Variants in ZNF66 observed in about 807,000 individuals in gnomAD.
ZNF66 encodes zinc finger protein 66, also known as putative zinc finger protein 66.
A neutral mutation model predicts 35.2 loss-of-function variants in ZNF66; 32 were observed. The observed-to-expected ratio is 0.91, with a 90% CI of 0.69 to 1.22. The LOEUF is 1.22. Ranked by LOEUF, ZNF66 falls within the 50% of genes most tolerant of loss-of-function variation. The probability of loss-of-function intolerance (pLI) is 0.00; values close to 1 mark genes in which losing one functional copy is unlikely to be tolerated. For synonymous variants in ZNF66, 231 were observed against 181.3 expected (o/e 1.27, Z -2.20); for missense variants, 666 against 543.1 (o/e 1.23, Z -2.25).
chr19:20,806,691 C>G lies in ZNF66; in HGVS notation c.1091C>G (p.Thr364Ser), dbSNP rs1468929902. 6.8e-7 allele frequency: 1 copy of G among 1,478,894 alleles called. No individual in the cohort carries two copies. The highest frequency in any genetic ancestry group is 9.4e-7 in the Non-Finnish European group (1 of 1,059,398). The allele number at this position is 1,478,894 out of a possible 1,614,324, so 91.6% of individuals were successfully genotyped here. ...CTTACTAAACATAAAATAATCCATA[C>G]TGGAGAGAAACCCTACAAATGTGAA... The part of the protein sequence containing the change: ...STLTKHKIIH[T>S]GEKPYKCEEC... The change falls in exon 4 of 4, where the codon ACT becomes AGT. Residue 364 changes from threonine (T) to serine (S), a missense_variant. Physicochemically the swap from Thr to Ser is moderately conservative, Grantham distance 58. Coordinates refer to ENST00000344519, the MANE Select transcript of ZNF66 (RefSeq NM_001355197.2).
At chr19:20,785,257 A>G (rs1237913641) in intron 1 of ZNF66, 1 of 152,412 alleles carries the variant, frequency 6.6e-6, no homozygotes, top group East Asian at 1.9e-4. Context: ...AGAGGTCAAG[A>G]GAGGAGACCA....
At chr19:20,801,270 T>C (rs1464667696) in intron 3 of ZNF66, among the ~76,000 whole-genome samples, 1 of 152,158 alleles carries the variant, frequency 6.6e-6, no homozygotes, top group African/African-American at 2.4e-5. Flanking sequence ...GTATGCTTTT[T>C]AAAAAACCAC....
intron 1 of ZNF66, among the ~76,000 whole-genome samples, chr19:20,791,485 CAAAA>C (rs35269524): frequency 7.0e-5 from 4 of 57,338 alleles, no homozygotes; most frequent in Non-Finnish European, 1.6e-4. Flanking sequence ...GACTTAATCT[CAAAA>C]AAAAAAAAAA....
chr19:20,799,745 A>G (rs1453086615), intron 3 of ZNF66, among the ~76,000 whole-genome samples: 2 of 152,202 alleles, frequency 1.3e-5, no homozygotes, highest in African/African-American at 2.4e-5. Context: ...TCATTTGATC[A>G]TATACAGAAC....
intron 1 of ZNF66, among the ~76,000 whole-genome samples, chr19:20,777,534 T>C (rs1202001732): frequency 1.3e-5 from 2 of 151,516 alleles, no homozygotes; most frequent in African/African-American, 4.8e-5. Flanking sequence ...TTAATTATTT[T>C]CACATCCCAC....
chr19:20,783,049 A>G (rs534816115), intron 1 of ZNF66, among the ~76,000 whole-genome samples: 1 of 152,228 alleles, frequency 6.6e-6, no homozygotes, highest in Non-Finnish European at 1.5e-5. Context: ...GAAGGGATCT[A>G]GTTTCAGTCT....
chr19:20,800,928 C>T (rs1971441702), intron 3 of ZNF66, among the ~76,000 whole-genome samples: 1 of 152,052 alleles, frequency 6.6e-6, no homozygotes, highest in Non-Finnish European at 1.5e-5. Flanking sequence ...TTCTTGCTGT[C>T]TACAATTATT....
chr19:20,782,685 CTG>C lies in ZNF66; in HGVS notation c.3+6239_3+6240del, dbSNP rs372251923. Among the ~76,000 whole-genome samples the C allele has an allele frequency of 3.9e-3, 587 of 152,168 alleles. 3 individuals are homozygous for C. The highest frequency in any genetic ancestry group is 0.014 in the African/African-American group (565 of 41,526). On this transcript the variant is annotated intron_variant, in intron 1 of 3. Transcript: ENST00000344519. ...ATGTATATCTTCTTTTGAAAAGAATCTGTGTTTTTGCCTACAATTTAATGAAG... is the reference window on the plus strand; with the variant it reads ...ATGTATATCTTCTTTTGAAAAGAATCTGTTTTTGCCTACAATTTAATGAAG...
chr19:20,806,087 C>A lies in ZNF66; in HGVS notation c.487C>A (p.His163Asn), dbSNP rs1422371941. Residue 163 changes from histidine to asparagine, a missense_variant, in exon 4 of 4, where the codon CAT (histidine) becomes AAT (asparagine). Transcript: ENST00000344519. ...TCATCAATTTTCAAATACAAACAGA[C>A]ATAAGATAAGACATACTGGAAAAAA... ...VFHQFSNTNR[H>N]KIRHTGKNPC... The A allele has an allele frequency of 3.4e-6, 3 of 879,372 alleles. No individual in the cohort carries two copies. The highest frequency in any genetic ancestry group is 5.7e-6 in the Non-Finnish European group (3 of 524,946). 54.5% of individuals were successfully genotyped at this position (879,372 alleles called of 1,614,324 possible).
intron 3 of ZNF66, among the ~76,000 whole-genome samples, chr19:20,802,356 T>C (rs1971455801): frequency 6.6e-6 from 1 of 152,144 alleles, no homozygotes; most frequent in African/African-American, 2.4e-5. Context: ...CAGTTTGTTT[T>C]TGAGGTGGAG....
At position 20,792,547 on chromosome 19, in the gene ZNF66, C is replaced by G. The variant is rs754138108; in HGVS notation, c.39C>G (p.Phe13Leu). The G allele has an allele frequency of 2.6e-6, 4 of 1,530,228 alleles. No individual in the cohort carries two copies. The African/African-American group carries it at 5.5e-5, about 21-fold the overall frequency. 94.8% of individuals were successfully genotyped at this position (1,530,228 alleles called of 1,614,324 possible). A position where few individuals can be genotyped will look rare whatever the true frequency, so the allele number is the denominator to read the frequency against. ...AATTTAGAGATGTGGCCATAGAATT[C>G]TCTCTGGAGGAGTGGCATTGCCTGG... ...PLQFRDVAIE[F>L]SLEEWHCLDM... Residue 13 changes from phenylalanine (F) to leucine (L), a missense_variant, in exon 2 of 4, where the codon TTC becomes TTG. Transcript: ENST00000344519.
intron 1 of ZNF66, among the ~76,000 whole-genome samples, chr19:20,791,059 T>C (rs1971332552): frequency 1.3e-5 from 2 of 152,336 alleles, no homozygotes; most frequent in South Asian, 4.1e-4. Context: ...TTGTGGCTGT[T>C]GAACATGGAA....
intron 1 of ZNF66, among the ~76,000 whole-genome samples, chr19:20,779,928 CAAAAAA>C: frequency 7.8e-6 from 1 of 128,584 alleles, no homozygotes; most frequent in African/African-American, 3.0e-5. Context: ...AACTCTGTCT[CAAAAAA>C]AAAAAAAAAA....
chr19:20,796,062 C>T (rs910213687), intron 3 of ZNF66, among the ~76,000 whole-genome samples: 31 of 152,188 alleles, frequency 2.0e-4, no homozygotes, highest in African/African-American at 6.7e-4. Context: ...CTCTTAGTGG[C>T]GTGTATTTTG....
chr19:20,797,196 T>A (rs1971401878), intron 3 of ZNF66, among the ~76,000 whole-genome samples: 2 of 46,110 alleles, frequency 4.3e-5, no homozygotes, highest in South Asian at 7.9e-4. Flanking sequence ...TAGATTTTTT[T>A]TTTTTTTTTT....
At chr19:20,782,453 G>A (rs1408621516) in intron 1 of ZNF66, among the ~76,000 whole-genome samples, 1 of 152,146 alleles carries the variant, frequency 6.6e-6, no homozygotes, top group African/African-American at 2.4e-5. Flanking sequence ...CCGCCACACT[G>A]CTTTTTACAA....
chr19:20,797,153 A>C (rs1247015762), intron 3 of ZNF66, among the ~76,000 whole-genome samples: 2 of 141,950 alleles, frequency 1.4e-5, no homozygotes, highest in Non-Finnish European at 3.0e-5. Context: ...ACCCGGCCTG[A>C]CAATTTTTTA....
chr19:20,794,893 G>T, intron 3 of ZNF66, among the ~76,000 whole-genome samples: 1 of 128,970 alleles, frequency 7.8e-6, no homozygotes, highest in African/African-American at 2.8e-5. Flanking sequence ...TTTTTTGAGA[G>T]GGGCTTTCAC....
chr19:20,806,290 A>G lies in ZNF66; in HGVS notation c.690A>G (p.Lys230=). 6.7e-7 allele frequency: 1 copy of G among 1,487,312 alleles called. No homozygotes were observed. The highest frequency in any genetic ancestry group is 9.4e-7 in the Non-Finnish European group (1 of 1,065,362). 92.1% of individuals were successfully genotyped at this position (1,487,312 alleles called of 1,614,324 possible). A position where few individuals can be genotyped will look rare whatever the true frequency, so the allele number is the denominator to read the frequency against. The change falls in exon 4 of 4, where the codon AAA becomes AAG. Residue 230 remains lysine (K), a synonymous_variant. Coordinates refer to ENST00000344519, the MANE Select transcript of ZNF66 (RefSeq NM_001355197.2). ...TTCATACTGGAGAGAAACGGTACAA[A>G]TGTGAAGACTGTGGCAAAGCCTTTA... ...KIIHTGEKRY[K]CEDCGKAFNR... is the part of the protein sequence containing the mutation.
Sources: gnomAD v4.1 joint callset for allele counts (sites outside exome capture counted in the v4.1 genomes callset) on GRCh38, gnomAD v4.1.1 for gene constraint, MANE v1.5 for transcripts, NCBI Gene and HGNC (gene_info 2026-07-23, HGNC 2026-07-21) for gene names.